Variants in ADGRL3 observed in about 807,000 individuals in gnomAD.
ADGRL3 encodes the protein calcium-independent alpha-latrotoxin receptor 3.
A neutral mutation model predicts 153.5 loss-of-function variants in ADGRL3; 62 were observed. The ratio of observed to expected loss-of-function variants is 0.40; its 90% confidence interval spans 0.33 to 0.50. ADGRL3 has a LOEUF of 0.50. Among genes scored for constraint, ADGRL3 ranks in the 20% least tolerant of loss-of-function variants. The pLI, the probability that ADGRL3 is intolerant of heterozygous loss-of-function variation, is 0.47. For synonymous variants in ADGRL3, 710 were observed against 672.5 expected (o/e 1.06, Z -0.86); for missense variants, 1,641 against 1,859.4 (o/e 0.88, Z 2.16).
chr4:61,756,415 CTGTT>C (rs1228929008), intron 8 of ADGRL3, among the ~76,000 whole-genome samples: 2 of 152,206 alleles, frequency 1.3e-5, no homozygotes, highest in Admixed American at 6.5e-5. Flanking sequence ...ATTTGGCTCT[CTGTT>C]TGTCTGTTAT....
chr4:61,746,242 C>G (rs1580586253), intron 8 of ADGRL3, among the ~76,000 whole-genome samples: 3 of 152,020 alleles, frequency 2.0e-5, no homozygotes, highest in African/African-American at 7.2e-5. Context: ...ACTTATACTC[C>G]CACATATTAA....
intron 3 of ADGRL3, among the ~76,000 whole-genome samples, chr4:61,499,974 TCA>T (rs2098366009): frequency 9.2e-6 from 1 of 109,176 alleles, no homozygotes; most frequent in Non-Finnish European, 1.9e-5. Flanking sequence ...TGCATTGAAA[TCA>T]CACACACACA....
chr4:61,386,663 T>C (rs190047997), intron 2 of ADGRL3, among the ~76,000 whole-genome samples: 2 of 152,244 alleles, frequency 1.3e-5, no homozygotes, highest in Admixed American at 6.5e-5. Flanking sequence ...TAAAAATGGC[T>C]GAAATCACAT....
At chr4:61,416,439 A>G (rs191510456) in intron 2 of ADGRL3, among the ~76,000 whole-genome samples, 1 of 152,196 alleles carries the variant, frequency 6.6e-6, no homozygotes, top group African/African-American at 2.4e-5. Context: ...TTTCTCAAAG[A>G]TATCTGTTAT....
At chr4:61,375,465 A>G (rs1029778183) in intron 1 of ADGRL3, among the ~76,000 whole-genome samples, 2 of 152,126 alleles carry the variant, frequency 1.3e-5, no homozygotes, top group Non-Finnish European at 2.9e-5. Context: ...ACCCTGAGAT[A>G]AGTATCATAT....
chr4:61,323,529 C>A (rs751482646), intron 1 of ADGRL3, among the ~76,000 whole-genome samples: 2 of 152,124 alleles, frequency 1.3e-5, no homozygotes, highest in Non-Finnish European at 2.9e-5. Context: ...GAAATTTCTT[C>A]CACCAGACAC....
intron 5 of ADGRL3, among the ~76,000 whole-genome samples, chr4:61,590,885 G>A (rs2098966382): frequency 6.6e-6 from 1 of 152,094 alleles, no homozygotes; most frequent in Non-Finnish European, 1.5e-5. Context: ...CTTTTTTCTA[G>A]TAATCTTTTG....
chr4:61,496,115 T>G (rs2152804294), intron 2 of ADGRL3, among the ~76,000 whole-genome samples: 1 of 152,228 alleles, frequency 6.6e-6, no homozygotes, highest in East Asian at 1.9e-4. Flanking sequence ...AACATAAATC[T>G]ATGATGTTCA....
chr4:61,646,183 C>T (rs1170821991), intron 5 of ADGRL3, among the ~76,000 whole-genome samples: 24 of 151,960 alleles, frequency 1.6e-4, no homozygotes, highest in Non-Finnish European at 3.2e-4. Context: ...GTTATACATT[C>T]TTCTAAATTT....
intron 1 of ADGRL3, among the ~76,000 whole-genome samples, chr4:61,291,769 G>A (rs1476913221): frequency 6.7e-6 from 1 of 149,852 alleles, no homozygotes; most frequent in Non-Finnish European, 1.5e-5. Flanking sequence ...ATAAAAAACT[G>A]CTGTTGAGAC....
At chr4:61,588,776 G>A (rs1418169929) in intron 5 of ADGRL3, among the ~76,000 whole-genome samples, 1 of 151,952 alleles carries the variant, frequency 6.6e-6, no homozygotes, top group Non-Finnish European at 1.5e-5. Context: ...GTTGTGTGTA[G>A]GTATTGTAAT....
intron 8 of ADGRL3, among the ~76,000 whole-genome samples, chr4:61,802,395 A>T (rs1379132543): frequency 6.6e-6 from 1 of 152,112 alleles, no homozygotes; most frequent in Non-Finnish European, 1.5e-5. Context: ...TCCACTATAA[A>T]GGCTATGTCT....
intron 9 of ADGRL3, among the ~76,000 whole-genome samples, chr4:61,856,557 GTC>G (rs1242580337): frequency 5.9e-4 from 47 of 79,448 alleles, no homozygotes; most frequent in Non-Finnish European, 1.0e-3. Flanking sequence ...CTCTCTCTCT[GTC>G]TCTCTCTCTC....
rs552528713 is a variant in ADGRL3 at position 61,951,093 on chromosome 4, G to A, written c.2805+2817G>A. On this transcript the variant is annotated intron_variant, in intron 17 of 26. Transcript: ENST00000683033. ...ACTTATTTATTTATTTCCATCTCTT[G>A]TGCTTGAATCAGGACAATGTGGAAA... 4.6e-5 allele frequency among the ~76,000 whole-genome samples: 7 copies of A among 152,014 alleles called. 1 individual carries two copies. The East Asian group carries it at 1.4e-3, about 29-fold the overall frequency.
intron 1 of ADGRL3, among the ~76,000 whole-genome samples, chr4:61,251,244 C>T (rs1349973462): frequency 6.6e-6 from 1 of 152,152 alleles, no homozygotes; most frequent in African/African-American, 2.4e-5. Flanking sequence ...CTTTCACTCA[C>T]ACGCCTGGTT....
At chr4:61,378,228 A>G (rs1226822488) in intron 1 of ADGRL3, among the ~76,000 whole-genome samples, 2 of 152,012 alleles carry the variant, frequency 1.3e-5, no homozygotes, top group African/African-American at 2.4e-5. Flanking sequence ...CTAATTTGTT[A>G]AATGACTGGC....
At chr4:61,673,735 T>C (rs1201872407) in intron 5 of ADGRL3, among the ~76,000 whole-genome samples, 1 of 151,272 alleles carries the variant, frequency 6.6e-6, no homozygotes, top group Non-Finnish European at 1.5e-5. Flanking sequence ...TAATGTATCC[T>C]ATATAAAAAT....
intron 6 of ADGRL3, among the ~76,000 whole-genome samples, chr4:61,714,942 C>A (rs2096076059): frequency 6.6e-6 from 1 of 152,084 alleles, no homozygotes; most frequent in African/African-American, 2.4e-5. Flanking sequence ...AATATTTGAT[C>A]ATTTTATGTT....
At chr4:61,396,415 A>T (rs755590742) in intron 2 of ADGRL3, among the ~76,000 whole-genome samples, 7 of 148,890 alleles carry the variant, frequency 4.7e-5, no homozygotes, top group Non-Finnish European at 8.9e-5. Context: ...TTGAGTATTT[A>T]AAAAAAAAAC....
Sources: allele counts gnomAD v4.1 joint callset (sites outside exome capture counted in the v4.1 genomes callset), GRCh38; gene constraint gnomAD v4.1.1; transcripts MANE v1.5; gene names NCBI Gene and HGNC (gene_info 2026-07-23, HGNC 2026-07-21).